The following DNAI3 variants were observed in gnomAD, a reference collection of about 807,000 sequenced individuals.
The protein encoded by DNAI3 is dynein axonemal intermediate chain 3.
In DNAI3, 83 loss-of-function variants were observed where a neutral mutation model predicts 115.5. The ratio of observed to expected loss-of-function variants is 0.72; its 90% confidence interval spans 0.60 to 0.86. The LOEUF is 0.86. DNAI3 is among the 40% of genes least tolerant of loss of function. The pLI, the probability that DNAI3 is intolerant of heterozygous loss-of-function variation, is 0.00. For synonymous variants in DNAI3, 320 were observed against 347.0 expected (o/e 0.92, Z 0.86); for missense variants, 1,004 against 1,075.8 (o/e 0.93, Z 0.93).
chr1:85,072,641 CA>C (rs1243036939), intron 2 of DNAI3, among the ~76,000 whole-genome samples: 2,178 of 101,298 alleles, frequency 0.022, 39 homozygotes, highest in African/African-American at 0.07. Context: ...GACTCCATCT[CA>C]AAAAAAAAAA....
chr1:85,098,490 C>A, intron 12 of DNAI3, 40 bp from the exon 13 acceptor site: 1 of 1,601,894 alleles, frequency 6.2e-7, no homozygotes, highest in South Asian at 1.1e-5. Context: ...TTCATCAGCC[C>A]TCTGAAATTA....
intron 3 of DNAI3, among the ~76,000 whole-genome samples, chr1:85,078,434 G>A (rs954301216): frequency 6.6e-6 from 1 of 152,212 alleles, no homozygotes; most frequent in African/African-American, 2.4e-5. Flanking sequence ...CTTGTGATTG[G>A]CACTCCTGAC....
intron 9 of DNAI3, 77 bp downstream of exon 9, chr1:85,093,725 A>G: frequency 6.4e-7 from 1 of 1,560,320 alleles, no homozygotes; most frequent in South Asian, 1.1e-5. Context: ...AAAATTGCAA[A>G]CTAGTTCAAT....
At chr1:85,081,846 G>A (rs1216930321) in intron 4 of DNAI3, among the ~76,000 whole-genome samples, 1 of 152,128 alleles carries the variant, frequency 6.6e-6, no homozygotes, top group African/African-American at 2.4e-5. Context: ...TTGCCATGTT[G>A]CTCAAGCTGG....
intron 2 of DNAI3, among the ~76,000 whole-genome samples, chr1:85,072,552 G>A (rs1181567349): frequency 6.6e-6 from 1 of 151,050 alleles, no homozygotes; most frequent in African/African-American, 2.4e-5. Flanking sequence ...TGAGGCAGGA[G>A]AATCACTTGA....
chr1:85,097,488 A>G (rs2100585278), intron 11 of DNAI3, 81 bp from the exon 12 acceptor site: 1 of 1,345,806 alleles, frequency 7.4e-7, no homozygotes, highest in South Asian at 1.5e-5. Context: ...TTATCAGGCT[A>G]CAAACCAATA....
rs549417662 is a variant in DNAI3, at chr1:85,098,760, T to G, written c.1479+102T>G. ...GTCAACAATTCATTTACACTTAAAT[T>G]GTGAAATAACCAGGAACTAAGCATC... On this transcript the variant is annotated intron_variant, in intron 13 of 22. Transcript: ENST00000294664. The G allele has an allele frequency of 3.3e-6, 5 of 1,522,474 alleles. No individual in the cohort carries two copies. The African/African-American group carries it at 7.0e-5, about 21-fold the overall frequency. 94.3% of individuals were successfully genotyped at this position (1,522,474 alleles called of 1,614,324 possible). A position where few individuals can be genotyped will look rare whatever the true frequency, so the allele number is the denominator to read the frequency against.
At chr1:85,066,314 C>CTTTTTTTTTT (rs57553075) in intron 1 of DNAI3, among the ~76,000 whole-genome samples, 2 of 70,014 alleles carry the variant, frequency 2.9e-5, no homozygotes, top group Non-Finnish European at 5.1e-5. Flanking sequence ...TTCTGCTACT[C>CTTTTTTTTTT]TTTTTTTTTT....
At position 85,128,079 on chromosome 1, in the gene DNAI3, C is replaced by T. The variant is rs558205299; in HGVS notation, c.2318-629C>T. On this transcript the variant is annotated intron_variant, in intron 20 of 22. Transcript: ENST00000294664. ...GGTTGAGGCTGCAGTGAGCCATGAT[C>T]ATACCACTGCATTCTAGCCTGGGCC... Among the ~76,000 whole-genome samples, 193 of 122,286 alleles carry T rather than the reference C, an allele frequency of 1.6e-3. 1 individual carries two copies. The highest frequency in any genetic ancestry group is 5.9e-3 in the African/African-American group (188 of 32,102). The allele number at this position is 122,286 out of a possible 152,430, so 80.2% of individuals were successfully genotyped here.
chr1:85,115,721 G>A (rs886164762), intron 16 of DNAI3, among the ~76,000 whole-genome samples: 3 of 152,030 alleles, frequency 2.0e-5, no homozygotes, highest in Non-Finnish European at 2.9e-5. Context: ...GGGGCAGGGG[G>A]GCAGGCATTA....
intron 7 of DNAI3, among the ~76,000 whole-genome samples, chr1:85,086,989 C>T (rs115853590): frequency 0.019 from 2,861 of 152,210 alleles, 51 homozygotes; most frequent in Non-Finnish European, 0.028. Flanking sequence ...CATCCAGCCA[C>T]ACTGGCTTCC....
chr1:85,072,759 T>G (rs1654319098), intron 2 of DNAI3, among the ~76,000 whole-genome samples: 1 of 150,502 alleles, frequency 6.6e-6, no homozygotes, highest in Non-Finnish European at 1.5e-5. Context: ...ATGGAGACCA[T>G]CCTGGTTGAC....
At chr1:85,101,367 A>G (rs1420394862) in intron 13 of DNAI3, among the ~76,000 whole-genome samples, 2 of 152,190 alleles carry the variant, frequency 1.3e-5, no homozygotes, top group East Asian at 3.8e-4. Context: ...AAGGAACTTC[A>G]TATCACTTCC....
At chr1:85,118,044 C>T (rs1044479661) in intron 17 of DNAI3, among the ~76,000 whole-genome samples, 185 bp downstream of exon 17, 1 of 152,110 alleles carries the variant, frequency 6.6e-6, no homozygotes, top group African/African-American at 2.4e-5. Context: ...TTAAAATGTT[C>T]CTGAACGTAT....
At chr1:85,126,860 CT>C in intron 20 of DNAI3, 145 bp downstream of exon 20, 1 of 773,676 alleles carries the variant, frequency 1.3e-6, no homozygotes, top group Non-Finnish European at 2.1e-6. Flanking sequence ...CCTTCTCTTC[CT>C]TTCCTTTTCA....
At chr1:85,067,717 G>A (rs994055858) in intron 1 of DNAI3, among the ~76,000 whole-genome samples, 5 of 152,180 alleles carry the variant, frequency 3.3e-5, no homozygotes, top group Non-Finnish European at 5.9e-5. Context: ...GAAAGACAAA[G>A]AAGAGGTTAG....
intron 19 of DNAI3, 48 bp downstream of exon 19, chr1:85,124,299 T>C (rs760683335): frequency 1.2e-6 from 2 of 1,613,738 alleles, no homozygotes; most frequent in Non-Finnish European, 1.7e-6. Context: ...CTTTTGTTAT[T>C]CAGAAAGACA....
rs545882609 is a variant in DNAI3 at position 85,117,323 on chromosome 1, C to T, written c.1787-406C>T. Among the ~76,000 whole-genome samples, 7 of 152,156 alleles carry T rather than the reference C, an allele frequency of 4.6e-5. No homozygotes were observed. The South Asian group carries it at 1.0e-3, about 23-fold the overall frequency. On this transcript the variant is annotated intron_variant, in intron 16 of 22. Transcript: ENST00000294664. ...GGGAGACATGATAATGGATGATTTT[C>T]GTTCTTTTACTCATGCTTTTCTTTA...
At chr1:85,103,531 C>G (rs1655392417) in intron 13 of DNAI3, among the ~76,000 whole-genome samples, 1 of 152,162 alleles carries the variant, frequency 6.6e-6, no homozygotes, top group South Asian at 2.1e-4. Flanking sequence ...ACAGAGCCTA[C>G]ATTTCTAATA....
Sources: gnomAD v4.1 joint callset for allele counts (sites outside exome capture counted in the v4.1 genomes callset) on GRCh38, gnomAD v4.1.1 for gene constraint, MANE v1.5 for transcripts, NCBI Gene and HGNC (gene_info 2026-07-23, HGNC 2026-07-21) for gene names.